Variants in PRKN observed in about 807,000 individuals in gnomAD.
PRKN encodes the protein parkin RBR E3 ubiquitin protein ligase, also known as E3 ubiquitin-protein ligase parkin.
PRKN carries 56 observed loss-of-function variants against 59.5 expected under a neutral mutation model. The observed-to-expected ratio is 0.94, with a 90% CI of 0.76 to 1.18. PRKN has a LOEUF of 1.18. Ranked by LOEUF, PRKN falls within the 50% of genes most tolerant of loss-of-function variation. PRKN has a pLI of 0.00. For missense variants in PRKN, 657 were observed against 596.4 expected, an observed-to-expected ratio of 1.10 and a Z score of -1.06; for synonymous variants, 250 against 222.1, an observed-to-expected ratio of 1.13 and a Z score of -1.12.
At chr6:162,085,946 T>G (rs1779228412) in intron 4 of PRKN, among the ~76,000 whole-genome samples, 1 of 152,190 alleles carries the variant, frequency 6.6e-6, no homozygotes, top group South Asian at 2.1e-4. Context: ...TAACAGTGCC[T>G]ATGAGAAAGA....
intron 6 of PRKN, among the ~76,000 whole-genome samples, chr6:161,944,237 G>T (rs545476445): frequency 2.6e-5 from 4 of 152,280 alleles, no homozygotes; most frequent in East Asian, 1.9e-4. Context: ...TCTGTTTTTT[G>T]ATATAATTTC....
At chr6:162,700,440 C>T (rs1420186913) in intron 1 of PRKN, among the ~76,000 whole-genome samples, 2 of 152,102 alleles carry the variant, frequency 1.3e-5, no homozygotes, top group East Asian at 1.9e-4. Flanking sequence ...GGTGAAGTAG[C>T]GAAGGCTTTG....
At position 161,456,620 on chromosome 6, in the gene PRKN, A is replaced by AC. The variant is rs145243249; in HGVS notation, c.1084-69744_1084-69743insG. 0.12 allele frequency among the ~76,000 whole-genome samples: 17,929 copies of AC among 152,164 alleles called. 1,255 individuals are homozygous for AC. Among genetic ancestry groups the AC allele is most frequent in the African/African-American group, 0.17 (6,937 of 41,516 alleles). On this transcript the variant is annotated intron_variant, in intron 9 of 11. Transcript: ENST00000366898. This position sits in a 1 kb window ranked among gnomAD's most constrained non-coding sequence, Gnocchi z 4.8. ...GTCCCTCTAGAGAACCCTGACTAATAATCTCCCACATCACCAGCTTGAATC... is the reference window on the plus strand; with the variant it reads ...GTCCCTCTAGAGAACCCTGACTAATACATCTCCCACATCACCAGCTTGAATC...
At position 161,779,417 on chromosome 6, in the gene PRKN, T is replaced by TC. The variant is rs1229534861; in HGVS notation, c.871+6354_871+6355insG. 1.3e-3 allele frequency among the ~76,000 whole-genome samples: 174 copies of TC among 138,348 alleles called. 2 individuals carry two copies. Among genetic ancestry groups the TC allele is most frequent in the African/African-American group, 4.5e-3 (166 of 37,240 alleles). The allele number at this position is 138,348 out of a possible 152,430, so 90.8% of individuals were successfully genotyped here. ...TTCTTTCCTTTCCTTTCTTTTCTTT[T>TC]TTTTCTCTTTTTCTTTTCTTTTCTT... On this transcript the variant is annotated intron_variant, in intron 7 of 11. Coordinates refer to ENST00000366898, the MANE Select transcript of PRKN (RefSeq NM_004562.3).
At chr6:161,891,517 G>A (rs183284777) in intron 6 of PRKN, among the ~76,000 whole-genome samples, 42 of 152,200 alleles carry the variant, frequency 2.8e-4, no homozygotes, top group Admixed American at 1.7e-3. Flanking sequence ...ATGAGGCTTC[G>A]AGGTCTTACA....
At chr6:162,703,955 T>C (rs542793425) in intron 1 of PRKN, among the ~76,000 whole-genome samples, 1 of 152,326 alleles carries the variant, frequency 6.6e-6, no homozygotes, top group Non-Finnish European at 1.5e-5. Context: ...ATGAGGCCCT[T>C]CTCACGTGGA....
chr6:161,942,508 G>A (rs1163490236), intron 6 of PRKN, among the ~76,000 whole-genome samples: 7 of 152,112 alleles, frequency 4.6e-5, no homozygotes, highest in Admixed American at 1.3e-4. Context: ...TCCAGCTTGG[G>A]CGACAGAGCG....
chr6:162,253,091 A>G (rs1779502735), intron 3 of PRKN, among the ~76,000 whole-genome samples: 1 of 152,216 alleles, frequency 6.6e-6, no homozygotes, highest in Non-Finnish European at 1.5e-5. Flanking sequence ...GTAACCTGGT[A>G]AATTAACTAT....
At chr6:162,636,139 C>T (rs1312456185) in intron 1 of PRKN, among the ~76,000 whole-genome samples, 19 of 139,954 alleles carry the variant, frequency 1.4e-4, no homozygotes. Context: ...ATATTACTTA[C>T]ATAGTAATAT....
intron 6 of PRKN, among the ~76,000 whole-genome samples, chr6:161,916,984 A>G (rs1778589210): frequency 6.7e-6 from 1 of 149,908 alleles, no homozygotes; most frequent in Admixed American, 6.7e-5. Flanking sequence ...TTGTATTTTT[A>G]GTAGAGAGAG....
Position 161,502,826 on chromosome 6 carries a change from G to C in PRKN, c.1083+46028C>G, listed in dbSNP as rs1165935172. 1.3e-5 allele frequency among the ~76,000 whole-genome samples: 2 copies of C among 152,152 alleles called. No homozygotes were observed. The highest frequency in any genetic ancestry group is 4.8e-5 in the African/African-American group (2 of 41,436). On this transcript the variant is annotated intron_variant, in intron 9 of 11. Transcript: ENST00000366898. The surrounding 1 kb of genome is among the most constrained non-coding windows in gnomAD (Gnocchi z 4.0). ...AGGTGTGGAATGGTTATAAGTACAT[G>C]CTCTGGAGTAGAAGGCTCTGGATTA...
intron 9 of PRKN, among the ~76,000 whole-genome samples, chr6:161,493,532 C>T (rs536397549): frequency 2.6e-5 from 4 of 152,234 alleles, no homozygotes; most frequent in African/African-American, 4.8e-5. Context: ...AGTTGATGAA[C>T]TGATGGATAG....
intron 3 of PRKN, among the ~76,000 whole-genome samples, chr6:162,204,316 A>T (rs1426357947): frequency 6.6e-6 from 1 of 152,190 alleles, no homozygotes; most frequent in Non-Finnish European, 1.5e-5. Context: ...AAGCCACATT[A>T]AACAAGTCCC....
chr6:162,305,391 T>A lies in PRKN; in HGVS notation c.172-42626A>T, dbSNP rs547334519. ...TTTCCCCATTCTACCTCTAATTTTT[T>A]AAAAAAATTATCATTGCTTTTTTTT... On this transcript the variant is annotated intron_variant, in intron 2 of 11. Coordinates refer to ENST00000366898, the MANE Select transcript of PRKN (RefSeq NM_004562.3). Among the ~76,000 whole-genome samples the A allele has an allele frequency of 1.3e-4, 20 of 149,468 alleles. No homozygotes were observed. The East Asian group carries it at 3.5e-3, about 26-fold the overall frequency.
chr6:162,510,737 C>T (rs545685927), intron 1 of PRKN, among the ~76,000 whole-genome samples: 7 of 152,070 alleles, frequency 4.6e-5, no homozygotes, highest in Admixed American at 2.0e-4. Context: ...GCCTGTCCAA[C>T]GTAGTGAAAC....
chr6:162,436,175 CCAAAAAAAAAA>C (rs1297961374), intron 2 of PRKN, among the ~76,000 whole-genome samples: 11 of 32,362 alleles, frequency 3.4e-4, no homozygotes, highest in African/African-American at 1.3e-3. Flanking sequence ...GACTCCATCT[CCAAAAAAAAAA>C]AAAAAAAAAA....
In PRKN at chr6:161,378,638, G is replaced by A. The variant is rs1785832253; in HGVS notation, c.1167+8156C>T. ...CATGGCACTGCATTGTGTCCCAGTG[G>A]GTGCATACCCATGGGAACACTGGTC... On this transcript the variant is annotated intron_variant, in intron 10 of 11. Coordinates refer to ENST00000366898, the MANE Select transcript of PRKN (RefSeq NM_004562.3). This position sits in a 1 kb window ranked among gnomAD's most constrained non-coding sequence, Gnocchi z 7.3. 6.6e-6 allele frequency among the ~76,000 whole-genome samples: 1 copy of A among 152,144 alleles called. No homozygotes were observed. Among genetic ancestry groups the A allele is most frequent in the Admixed American group, 6.5e-5 (1 of 15,272 alleles).
At chr6:161,501,937 T>C (rs1390558513) in intron 9 of PRKN, among the ~76,000 whole-genome samples, 1 of 152,164 alleles carries the variant, frequency 6.6e-6, no homozygotes, top group East Asian at 1.9e-4. Context: ...AAGATGCGGC[T>C]GTTCTGGGGG....
chr6:161,527,433 CAG>C lies in PRKN; in HGVS notation c.1083+21419_1083+21420del, dbSNP rs888848128. On this transcript the variant is annotated intron_variant, in intron 9 of 11. Transcript: ENST00000366898. The surrounding 1 kb of genome is among the most constrained non-coding windows in gnomAD (Gnocchi z 4.6). ...CTATAAGGCCAGAAGGGCTGGGAAA[CAG>C]GGCATTTCCCTCCCTGAACCTTACA... Among the ~76,000 whole-genome samples the C allele has an allele frequency of 7.2e-5, 11 of 152,290 alleles. No individual in the cohort carries two copies. The highest frequency in any genetic ancestry group is 1.0e-4 in the Non-Finnish European group (7 of 68,024).
Sources: allele counts gnomAD v4.1 joint callset (sites outside exome capture counted in the v4.1 genomes callset), GRCh38; gene constraint gnomAD v4.1.1; non-coding constraint Gnocchi (gnomAD v3.1); transcripts MANE v1.5; gene names NCBI Gene and HGNC (gene_info 2026-07-23, HGNC 2026-07-21).